Variants in KCNT1 observed in about 807,000 individuals in gnomAD.
The protein encoded by KCNT1 is potassium channel subfamily T member 1.
Under a neutral mutation model 147.8 loss-of-function variants are expected in KCNT1, and 78 were observed. The ratio of observed to expected loss-of-function variants is 0.53; its 90% CI spans 0.44 to 0.64. The LOEUF is 0.64. Ranked by LOEUF, KCNT1 falls within the 30% of genes least tolerant of loss-of-function variation. The probability of loss-of-function intolerance (pLI) is 0.00; values close to 1 mark genes in which losing one functional copy is unlikely to be tolerated. For synonymous variants in KCNT1, 867 were observed against 748.8 expected (o/e 1.16, Z -2.58); for missense variants, 1,419 against 1,750.3 (o/e 0.81, Z 3.38).
At chr9:135,712,548 C>G (rs1420945687) in intron 1 of KCNT1, among the ~76,000 whole-genome samples, 1 of 152,096 alleles carries the variant, frequency 6.6e-6, no homozygotes, top group African/African-American at 2.4e-5. Context: ...CCCCAACACT[C>G]CCCTCTCCCC....
intron 1 of KCNT1, among the ~76,000 whole-genome samples, chr9:135,707,122 CA>C (rs961135694): frequency 0.012 from 1,522 of 128,634 alleles, 23 homozygotes; most frequent in African/African-American, 0.038. Flanking sequence ...CCTGTCTCTA[CA>C]AAAAAAAAAA....
Position 135,772,843 on chromosome 9 carries a change from G to T in KCNT1, c.2137G>T (p.Val713Phe). 1 of 1,542,644 alleles carries T rather than the reference G, an allele frequency of 6.5e-7. No individual in the cohort carries two copies. Among genetic ancestry groups the T allele is most frequent in the Non-Finnish European group, 8.7e-7 (1 of 1,143,650 alleles). The change falls in exon 19 of 31, where the codon GTC (valine) becomes TTC (phenylalanine). Residue 713 changes from valine to phenylalanine, a missense_variant. By Grantham distance (50) the Val-to-Phe change is conservative (BLOSUM62 -1). Coordinates refer to ENST00000371757, the MANE Select transcript of KCNT1 (RefSeq NM_020822.3). The stretch of plus-strand genomic sequence containing the variant: ...CAGCCGGCGGCCCAGCATCGCGCCC[G>T]TCCTGGAACTGGCCGACAGCTCAGC... Reference protein sequence around the residue: ...SGSRRPSIAPVLELADSSALL... With the variant: ...SGSRRPSIAPFLELADSSALL...
At chr9:135,720,932 A>G (rs1436723165) in intron 2 of KCNT1, among the ~76,000 whole-genome samples, 1 of 150,158 alleles carries the variant, frequency 6.7e-6, no homozygotes, top group Non-Finnish European at 1.5e-5. Flanking sequence ...TTTGAAACAG[A>G]GGGGGACAGT....
intron 29 of KCNT1, among the ~76,000 whole-genome samples, chr9:135,788,321 G>A (rs200497757): frequency 3.9e-5 from 6 of 152,254 alleles, no homozygotes; most frequent in Admixed American, 6.5e-5. Context: ...GCAAGGCCTC[G>A]CATGCCGACA....
At chr9:135,741,340 A>G (rs1830558936) in intron 2 of KCNT1, among the ~76,000 whole-genome samples, 1 of 151,980 alleles carries the variant, frequency 6.6e-6, no homozygotes, top group South Asian at 2.1e-4. Context: ...GGGCCTGGCC[A>G]CGCCGGACCT....
chr9:135,735,537 G>A (rs1444871678), intron 2 of KCNT1, among the ~76,000 whole-genome samples: 1 of 152,136 alleles, frequency 6.6e-6, no homozygotes, highest in Non-Finnish European at 1.5e-5. Flanking sequence ...AGCCAAGGGT[G>A]GGGGGATTCA....
chr9:135,739,978 A>G (rs1830496176), intron 2 of KCNT1, among the ~76,000 whole-genome samples: 1 of 151,962 alleles, frequency 6.6e-6, no homozygotes, highest in African/African-American at 2.4e-5. Flanking sequence ...TCTGAGCTCA[A>G]GATGTGGGCA....
intron 29 of KCNT1, among the ~76,000 whole-genome samples, chr9:135,788,592 C>T (rs1228293962): frequency 6.6e-6 from 1 of 152,236 alleles, no homozygotes; most frequent in African/African-American, 2.4e-5. Flanking sequence ...AGGAAGCACC[C>T]AGAGGGTCCC....
intron 21 of KCNT1, among the ~76,000 whole-genome samples, chr9:135,777,791 C>T (rs1328852333): frequency 1.3e-5 from 2 of 151,318 alleles, no homozygotes; most frequent in South Asian, 2.1e-4. Context: ...CCCCAGTTCC[C>T]AGCTCCACCC....
chr9:135,759,512 G>A (rs1326240267), intron 10 of KCNT1, among the ~76,000 whole-genome samples, 167 bp from the exon 11 acceptor site: 1 of 152,198 alleles, frequency 6.6e-6, no homozygotes, highest in Non-Finnish European at 1.5e-5. Context: ...AGATGGGCAG[G>A]GCTGAGGGCC....
chr9:135,770,481 C>G lies in KCNT1; in HGVS notation c.1769+34C>G, dbSNP rs1832677878. On this transcript the variant is annotated intron_variant, in intron 17 of 30. Coordinates refer to ENST00000371757, the MANE Select transcript of KCNT1 (RefSeq NM_020822.3). ...GGGCTGCATCCACAGGGCTGGCGCT[C>G]CAGGGCTGCTCTGCTCTGTGCCCTC... 2.5e-6 allele frequency: 4 copies of G among 1,589,518 alleles called. No individual in the cohort carries two copies. In the African/African-American group the frequency reaches 5.3e-5, roughly 21 times the overall value.
At chr9:135,732,025 GAGAGA>G (rs1564328313) in intron 2 of KCNT1, among the ~76,000 whole-genome samples, 3 of 115,778 alleles carry the variant, frequency 2.6e-5, no homozygotes, top group Non-Finnish European at 5.7e-5. Context: ...GAGAGAGAGA[GAGAGA>G]GAGAGAGAGA....
chr9:135,746,702 G>T (rs568730182), intron 2 of KCNT1, among the ~76,000 whole-genome samples: 52 of 152,334 alleles, frequency 3.4e-4, no homozygotes, highest in Admixed American at 1.9e-3. Context: ...ATGACCGATG[G>T]AGGGTTGGGG....
intron 19 of KCNT1, 22 bp downstream of exon 19, chr9:135,772,971 G>GCTCCCAGTGGGGGGAGGAGCCGC: frequency 7.0e-7 from 1 of 1,423,992 alleles, no homozygotes; most frequent in Non-Finnish European, 9.2e-7. Context: ...CTTGGAGACG[G>GCTCCCAGTGGGGGGAGGAGCCGC]CTCCCAGTGG....
In KCNT1 at chr9:135,772,931, AG is replaced by A; in HGVS notation, c.2229del (p.Leu744SerfsTer4). On this transcript the variant is annotated frameshift_variant, in exon 19 of 31. Coordinates refer to ENST00000371757, the MANE Select transcript of KCNT1 (RefSeq NM_020822.3). LOFTEE classifies it high-confidence loss of function. ...SEDEVTPSDDEGLSVVEYVKG... is the reference protein window; with the variant it reads ...SEDEVTPSDDXGLSVVEYVKG... Reference sequence around the variant, plus strand: ...GATGAGGTGACGCCGTCGGACGACGAGGGGCTCTCCGTGGTAGAGTGAGTGC... The same window carrying A: ...GATGAGGTGACGCCGTCGGACGACGAGGGCTCTCCGTGGTAGAGTGAGTGC... The A allele has an allele frequency of 6.6e-7, 1 of 1,514,718 alleles. No homozygotes were observed. 93.8% of individuals were successfully genotyped at this position (1,514,718 alleles called of 1,614,324 possible).
intron 11 of KCNT1, among the ~76,000 whole-genome samples, chr9:135,762,928 G>A (rs948295261): frequency 2.0e-5 from 3 of 152,370 alleles, no homozygotes; most frequent in Admixed American, 6.5e-5. Flanking sequence ...CAGCCTGCAC[G>A]CAGAGGTGTC....
In KCNT1 at chr9:135,770,376, G is replaced by T; in HGVS notation, c.1698G>T (p.Met566Ile). ...GCAACGAGGTGTACCACATCCGCAT[G>T]GGTGACAGCAAGTTCTTCCGCGAGT... ...CSGNEVYHIR[M>I]GDSKFFREYE... Residue 566 changes from methionine (M) to isoleucine (I), a missense_variant, in exon 17 of 31, where the codon ATG becomes ATT. Around this residue, in one of 5 missense-constraint regions of KCNT1, gnomAD observed 284 missense variants for 292.8 expected, o/e 0.97. Coordinates refer to ENST00000371757, the MANE Select transcript of KCNT1 (RefSeq NM_020822.3). 1.9e-6 allele frequency: 3 copies of T among 1,613,282 alleles called. No homozygotes were observed. Among genetic ancestry groups the T allele is most frequent in the Non-Finnish European group, 2.5e-6 (3 of 1,179,802 alleles).
chr9:135,733,241 C>T, intron 2 of KCNT1, among the ~76,000 whole-genome samples: 2 of 114,228 alleles, frequency 1.8e-5, no homozygotes, highest in Non-Finnish European at 3.6e-5. Context: ...GCCCCCCATA[C>T]CTGCCCCTGC....
intron 2 of KCNT1, among the ~76,000 whole-genome samples, chr9:135,735,941 C>T (rs1256327618): frequency 2.0e-5 from 3 of 152,210 alleles, no homozygotes; most frequent in South Asian, 2.1e-4. Flanking sequence ...TGGAAGGGAA[C>T]GGTTACAAAA....
Sources: allele counts gnomAD v4.1 joint callset (sites outside exome capture counted in the v4.1 genomes callset), GRCh38; gene constraint gnomAD v4.1.1; regional missense constraint gnomAD v4.1.1; transcripts MANE v1.5; gene names NCBI Gene and HGNC (gene_info 2026-07-23, HGNC 2026-07-21).